Variants in PDE4B observed in about 807,000 individuals in gnomAD.
PDE4B encodes the protein 3',5'-cyclic-AMP phosphodiesterase 4B.
A neutral mutation model predicts 82.2 loss-of-function variants in PDE4B; 20 were observed. The observed-to-expected ratio is 0.24, with a 90% CI of 0.17 to 0.35. PDE4B has a LOEUF of 0.35. PDE4B is among the 10% of genes least tolerant of loss of function. The pLI is 1.00. For missense variants in PDE4B, 655 were observed against 907.2 expected (o/e 0.72, Z 3.57); for synonymous variants, 320 against 318.9 (o/e 1.00, Z -0.04).
chr1:65,803,276 C>T (rs578019378), intron 1 of PDE4B, among the ~76,000 whole-genome samples: 109 of 152,218 alleles, frequency 7.2e-4, no homozygotes, highest in Non-Finnish European at 1.3e-3. Context: ...GGCAACTGTT[C>T]TCACCACACA....
chr1:66,216,581 G>T (rs1650482946), intron 3 of PDE4B, among the ~76,000 whole-genome samples: 1 of 152,024 alleles, frequency 6.6e-6, no homozygotes, highest in Non-Finnish European at 1.5e-5. Flanking sequence ...TGTTACTTTT[G>T]TCAAAAGCAC....
At chr1:66,266,196 C>G in intron 7 of PDE4B, 109 bp downstream of exon 7, 1 of 882,638 alleles carries the variant, frequency 1.1e-6, no homozygotes, top group Non-Finnish European at 1.9e-6. Flanking sequence ...TATTGTGGCT[C>G]TCAAAAGTAT....
intron 3 of PDE4B, among the ~76,000 whole-genome samples, chr1:66,105,342 G>A (rs2101033837): frequency 6.6e-6 from 1 of 151,818 alleles, no homozygotes; most frequent in African/African-American, 2.4e-5. Context: ...GGTTACTGTA[G>A]CCTTGTAGTA....
chr1:66,219,737 C>T (rs1439856618), intron 3 of PDE4B, among the ~76,000 whole-genome samples: 1 of 152,028 alleles, frequency 6.6e-6, no homozygotes, highest in African/African-American at 2.4e-5. Flanking sequence ...GTCAAGAAGA[C>T]TATTATTGAG....
chr1:65,874,124 G>A (rs1421928358), intron 1 of PDE4B, among the ~76,000 whole-genome samples: 1 of 151,716 alleles, frequency 6.6e-6, no homozygotes, highest in Non-Finnish European at 1.5e-5. Context: ...CCTTGAAGAG[G>A]TCCTTCACAT....
At position 65,979,390 on chromosome 1, in the gene PDE4B, G is replaced by A. The variant is rs551995812; in HGVS notation, c.281+60555G>A. ...AGAGCGAATCCTGCTGGGTGGTGGT[G>A]CCGCTACTCCATTGGGAAGGTCACA... On this transcript the variant is annotated intron_variant, in intron 3 of 16. Coordinates refer to ENST00000341517, the MANE Select transcript of PDE4B (RefSeq NM_002600.4). Among the ~76,000 whole-genome samples, 9 of 152,292 alleles carry A rather than the reference G, an allele frequency of 5.9e-5. No individual in the cohort carries two copies. The South Asian group carries it at 1.9e-3, about 32-fold the overall frequency.
chr1:66,123,454 G>A (rs1304277735), intron 3 of PDE4B, among the ~76,000 whole-genome samples: 1 of 152,054 alleles, frequency 6.6e-6, no homozygotes, highest in Non-Finnish European at 1.5e-5. Context: ...TAGGATATAG[G>A]TGGGAGTGGA....
At chr1:66,055,100 A>G (rs1158730834) in intron 3 of PDE4B, among the ~76,000 whole-genome samples, 1 of 152,236 alleles carries the variant, frequency 6.6e-6, no homozygotes, top group African/African-American at 2.4e-5. Context: ...GGAAGATTAC[A>G]TCTAGGAACT....
At chr1:66,113,369 C>T (rs1437590836) in intron 3 of PDE4B, among the ~76,000 whole-genome samples, 1 of 152,036 alleles carries the variant, frequency 6.6e-6, no homozygotes, top group Non-Finnish European at 1.5e-5. Context: ...ATTTATAAAA[C>T]AAAAATGGGT....
chr1:66,084,338 A>G (rs1443495558), intron 3 of PDE4B, among the ~76,000 whole-genome samples: 1 of 152,172 alleles, frequency 6.6e-6, no homozygotes, highest in Non-Finnish European at 1.5e-5. Context: ...ATCGCTCATA[A>G]GCAGTAAATC....
At chr1:66,310,421 T>C (rs1227799843) in intron 7 of PDE4B, among the ~76,000 whole-genome samples, 2 of 152,224 alleles carry the variant, frequency 1.3e-5, no homozygotes, top group Non-Finnish European at 2.9e-5. Flanking sequence ...AGGATTGTTA[T>C]CTGCTTTAGA....
intron 3 of PDE4B, among the ~76,000 whole-genome samples, chr1:65,958,733 T>TACAC (rs71058438): frequency 0.016 from 2,328 of 149,696 alleles, 19 homozygotes; most frequent in African/African-American, 0.027. Context: ...TATAATGTGA[T>TACAC]ACACACACAC....
At chr1:66,044,645 G>T (rs1654588461) in intron 3 of PDE4B, among the ~76,000 whole-genome samples, 1 of 151,718 alleles carries the variant, frequency 6.6e-6, no homozygotes, top group African/African-American at 2.4e-5. Flanking sequence ...AAACTCAGAT[G>T]TCCAGCAAGT....
chr1:66,090,727 A>G (rs1305554201), intron 3 of PDE4B, among the ~76,000 whole-genome samples: 3 of 137,700 alleles, frequency 2.2e-5, no homozygotes, highest in Admixed American at 1.5e-4. Flanking sequence ...GTATATGTAT[A>G]TGTATGTATA....
intron 1 of PDE4B, among the ~76,000 whole-genome samples, chr1:65,798,238 CTTTTTTTTTTTTTTTT>C (rs781315273): frequency 0.049 from 1,121 of 22,702 alleles, 197 homozygotes; most frequent in Middle Eastern, 0.094. Flanking sequence ...CCAGGCTAGT[CTTTTTTTTTTTTTTTT>C]TTTTTTTTTT....
In PDE4B at chr1:66,372,630, G is replaced by C. The variant is rs778134389; in HGVS notation, c.2163G>C (p.Glu721Asp). 49 of 1,613,934 alleles carry C rather than the reference G, an allele frequency of 3.0e-5. 1 individual carries two copies. In the Admixed American group the frequency reaches 7.5e-4, roughly 25 times the overall value. ...IDPENRDSLG[E>D]TDIDIATEDK... Reference sequence around the variant, plus strand: ...CAGAAAACAGAGATTCCCTGGGAGAGACTGACATAGACATTGCAACAGAAG... The same window carrying C: ...CAGAAAACAGAGATTCCCTGGGAGACACTGACATAGACATTGCAACAGAAG... The change falls in exon 17 of 17, where the codon GAG (glutamate) becomes GAC (aspartate). Residue 721 changes from glutamate to aspartate, a missense_variant. Glu to Asp is a conservative substitution (Grantham distance 45). Around this residue, in one of 3 missense-constraint regions of PDE4B, gnomAD observed 119 missense variants for 115.2 expected, o/e 1.03. Coordinates refer to ENST00000341517, the MANE Select transcript of PDE4B (RefSeq NM_002600.4).
chr1:66,096,114 A>G (rs1217790983), intron 3 of PDE4B, among the ~76,000 whole-genome samples: 1 of 151,596 alleles, frequency 6.6e-6, no homozygotes, highest in Non-Finnish European at 1.5e-5. Flanking sequence ...ACTTTGACTT[A>G]TTTCCCCTAT....
chr1:65,834,338 A>G (rs1473533000), intron 1 of PDE4B, among the ~76,000 whole-genome samples: 1 of 152,174 alleles, frequency 6.6e-6, no homozygotes, highest in Non-Finnish European at 1.5e-5. Flanking sequence ...GGCCTAAGCA[A>G]GTTTCTTTAA....
intron 3 of PDE4B, among the ~76,000 whole-genome samples, chr1:66,138,639 G>A (rs1049456992): frequency 6.6e-6 from 1 of 152,180 alleles, no homozygotes; most frequent in Non-Finnish European, 1.5e-5. Context: ...CTGACAGGTA[G>A]GATTAATACA....
Sources: gnomAD v4.1 joint callset for allele counts (sites outside exome capture counted in the v4.1 genomes callset) on GRCh38, gnomAD v4.1.1 for gene constraint, gnomAD v4.1.1 regional missense constraint, MANE v1.5 for transcripts, NCBI Gene and HGNC (gene_info 2026-07-23, HGNC 2026-07-21) for gene names.